The following TMPRSS7 variants were observed in gnomAD, a reference collection of about 807,000 sequenced individuals.
The protein encoded by TMPRSS7 is transmembrane serine protease 7.
TMPRSS7 carries 81 observed loss-of-function variants against 95.6 expected under a neutral mutation model. The observed-to-expected ratio is 0.85, with a 90% CI of 0.71 to 1.02. The LOEUF (loss-of-function observed/expected upper bound fraction) is 1.02, where lower values mean the gene tolerates loss of function less well. Ranked by LOEUF, TMPRSS7 falls within the 50% of genes least tolerant of loss-of-function variation. TMPRSS7 has a pLI of 0.00. For synonymous variants in TMPRSS7, 364 were observed against 337.8 expected, an observed-to-expected ratio of 1.08 and a Z score of -0.85; for missense variants, 945 against 955.2, an observed-to-expected ratio of 0.99 and a Z score of 0.14.
intron 10 of TMPRSS7, among the ~76,000 whole-genome samples, chr3:112,060,245 C>T (rs758919445): frequency 1.1e-4 from 16 of 152,104 alleles, no homozygotes; most frequent in South Asian, 2.1e-4. Flanking sequence ...ACCACAGGAC[C>T]GGGGCAAAAT....
chr3:112,051,588 T>C (rs1044680151), intron 9 of TMPRSS7, among the ~76,000 whole-genome samples: 1 of 149,832 alleles, frequency 6.7e-6, no homozygotes, highest in African/African-American at 2.5e-5. Context: ...TCTATATCTA[T>C]CTCTATTATC....
intron 9 of TMPRSS7, among the ~76,000 whole-genome samples, chr3:112,051,567 GTATC>G (rs539421531): frequency 0.02 from 2,378 of 119,888 alleles, 58 homozygotes; most frequent in African/African-American, 0.069. Context: ...ATCTATCTAT[GTATC>G]TATCTATCTA....
At chr3:112,049,756 C>T (rs893491843) in intron 7 of TMPRSS7, 88 bp from the exon 8 acceptor site, 1 of 1,157,102 alleles carries the variant, frequency 8.6e-7, no homozygotes, top group Non-Finnish European at 1.2e-6. Flanking sequence ...ATGGATGGCC[C>T]AGGAAATGTG....
chr3:112,075,117 G>T (rs2073695632), intron 14 of TMPRSS7, among the ~76,000 whole-genome samples: 1 of 152,186 alleles, frequency 6.6e-6, no homozygotes, highest in Non-Finnish European at 1.5e-5. Flanking sequence ...GTGGTATAGA[G>T]ACTGTGTCAG....
intron 10 of TMPRSS7, among the ~76,000 whole-genome samples, chr3:112,058,183 C>T (rs565589622): frequency 1.3e-5 from 2 of 152,294 alleles, no homozygotes; most frequent in South Asian, 4.2e-4. Context: ...AGTGCTTTTT[C>T]AGAACAAACT....
chr3:112,063,617 G>A, exon 12 of TMPRSS7: 1 of 1,613,978 alleles, frequency 6.2e-7, no homozygotes, highest in South Asian at 1.1e-5. Context: ...TGATGAAAGT[G>A]ATGAACTGTT....
chr3:112,045,114 G>A (rs565068726), intron 4 of TMPRSS7, among the ~76,000 whole-genome samples: 2 of 152,234 alleles, frequency 1.3e-5, no homozygotes, highest in South Asian at 2.1e-4. Flanking sequence ...CACAGTCCCC[G>A]GACATGGCAG....
intron 6 of TMPRSS7, 68 bp from the exon 7 acceptor site, chr3:112,047,671 A>G (rs1310961684): frequency 8.1e-7 from 1 of 1,238,072 alleles, no homozygotes; most frequent in Non-Finnish European, 1.1e-6. Context: ...TTCTATAAAG[A>G]TTTCTGTTTT....
chr3:112,047,707 G>A lies in TMPRSS7; in HGVS notation c.731-32G>A, dbSNP rs746516787. 5 of 1,473,968 alleles carry A rather than the reference G, an allele frequency of 3.4e-6. No homozygotes were observed. The East Asian group carries it at 1.1e-4, about 34-fold the overall frequency. The allele number at this position is 1,473,968 out of a possible 1,614,324, so 91.3% of individuals were successfully genotyped here. A position where few individuals can be genotyped will look rare whatever the true frequency, so the allele number is the denominator to read the frequency against. Reference sequence around the variant, plus strand: ...TATAAAAGTCATTCCTAAAAAAAAAGAAAATAAAGGAAAATGGTGCTGTCT... The same window carrying A: ...TATAAAAGTCATTCCTAAAAAAAAAAAAAATAAAGGAAAATGGTGCTGTCT... On this transcript the variant is annotated intron_variant, in intron 6 of 17. Coordinates refer to ENST00000452346, the Ensembl canonical transcript of TMPRSS7.
At chr3:112,061,743 C>A in intron 10 of TMPRSS7, 44 bp from the exon 11 acceptor site, 1 of 1,546,270 alleles carries the variant, frequency 6.5e-7, no homozygotes, top group Non-Finnish European at 8.8e-7. Flanking sequence ...ATTCAGTCGA[C>A]AGAACCTCAA....
chr3:112,042,405 C>T (rs1362253529), intron 3 of TMPRSS7, among the ~76,000 whole-genome samples: 3 of 152,080 alleles, frequency 2.0e-5, no homozygotes, highest in Admixed American at 6.6e-5. Context: ...TTATTTCAAC[C>T]TTGATGCCCT....
intron 6 of TMPRSS7, 41 bp downstream of exon 6, chr3:112,047,053 A>T (rs756340104): frequency 4.3e-6 from 3 of 698,278 alleles, no homozygotes; most frequent in East Asian, 5.4e-5. Flanking sequence ...CCATGTTAAT[A>T]TTGTTTTTGG....
At chr3:112,068,675 A>T (rs1043510809) in intron 13 of TMPRSS7, among the ~76,000 whole-genome samples, 1 of 152,082 alleles carries the variant, frequency 6.6e-6, no homozygotes, top group Admixed American at 6.6e-5. Flanking sequence ...CATTGATTTT[A>T]TATCCTGAGA....
At chr3:112,040,549 A>G (rs774930446) in intron 2 of TMPRSS7, among the ~76,000 whole-genome samples, 1 of 152,194 alleles carries the variant, frequency 6.6e-6, no homozygotes, top group African/African-American at 2.4e-5. Context: ...CTGGTGGGGA[A>G]GTCAAGTCAA....
At chr3:112,072,519 G>A (rs1035325245) in intron 13 of TMPRSS7, among the ~76,000 whole-genome samples, 1 of 152,264 alleles carries the variant, frequency 6.6e-6, no homozygotes, top group Non-Finnish European at 1.5e-5. Context: ...AGAGTGGAAC[G>A]TTTAAGTCTT....
intron 10 of TMPRSS7, among the ~76,000 whole-genome samples, chr3:112,057,448 G>T (rs1187531961): frequency 6.6e-6 from 1 of 152,058 alleles, no homozygotes; most frequent in Non-Finnish European, 1.5e-5. Flanking sequence ...ATAAATTGGG[G>T]TTCTGCTGAA....
chr3:112,048,975 G>A (rs1172597175), intron 7 of TMPRSS7, among the ~76,000 whole-genome samples: 1 of 152,016 alleles, frequency 6.6e-6, no homozygotes, highest in African/African-American at 2.4e-5. Context: ...GAAGATCTGG[G>A]GGCAGGGAAC....
At chr3:112,053,157 T>C (rs1451311270) in intron 9 of TMPRSS7, among the ~76,000 whole-genome samples, 2 of 142,880 alleles carry the variant, frequency 1.4e-5, no homozygotes, top group Non-Finnish European at 3.0e-5. Context: ...ACTTTTTTTT[T>C]CACCTGTAAA....
In TMPRSS7 at chr3:112,075,755, A is replaced by C. The variant is rs116073126; in HGVS notation, c.1955+263A>C. ...TAGGGCTTTTAACTCAGAGGGAGCA[A>C]ACTTAAGAGAATGTGTGGAGAATGT... On this transcript the variant is annotated intron_variant, in intron 15 of 17. Transcript: ENST00000452346. Among the ~76,000 whole-genome samples the C allele has an allele frequency of 7.6e-3, 1,155 of 152,318 alleles. 10 individuals carry two copies. The highest frequency in any genetic ancestry group is 0.011 in the Non-Finnish European group (746 of 68,012).
Sources: gnomAD v4.1 joint callset for allele counts (sites outside exome capture counted in the v4.1 genomes callset) on GRCh38, gnomAD v4.1.1 for gene constraint, MANE v1.5 for transcripts, NCBI Gene and HGNC (gene_info 2026-07-23, HGNC 2026-07-21) for gene names.